Variants in PDLIM5 observed in about 807,000 individuals in gnomAD.
The protein encoded by PDLIM5 is PDZ and LIM domain 5, also known as PDZ and LIM domain protein 5.
PDLIM5 carries 34 observed loss-of-function variants against 64.2 expected under a neutral mutation model. That is an observed-to-expected ratio of 0.53 (90% CI 0.40 to 0.71). The LOEUF (loss-of-function observed/expected upper bound fraction) is 0.71, where lower values mean the gene tolerates loss of function less well. Ranked by LOEUF, PDLIM5 falls within the 30% of genes least tolerant of loss-of-function variation. The probability of loss-of-function intolerance (pLI) is 0.00; values close to 1 mark genes in which losing one functional copy is unlikely to be tolerated. For missense variants in PDLIM5, 683 were observed against 733.6 expected (o/e 0.93, Z 0.80); for synonymous variants, 253 against 269.1 (o/e 0.94, Z 0.59).
chr4:94,666,188 A>G lies in PDLIM5; in HGVS notation c.*2121A>G, dbSNP rs1440787673. ...TGTTATAGAGGAGGTTTTAGGCTAC[A>G]ATATTTGTTTAACCTCCCTAAGAAC... On this transcript the variant is annotated 3_prime_UTR_variant, in exon 13 of 13. Coordinates refer to ENST00000317968, the MANE Select transcript of PDLIM5 (RefSeq NM_006457.5). 1 of 569,212 alleles carries G rather than the reference A, an allele frequency of 1.8e-6. No homozygotes were observed. The highest frequency in any genetic ancestry group is 3.0e-6 in the Non-Finnish European group (1 of 336,302). 35.3% of individuals were successfully genotyped at this position (569,212 alleles called of 1,614,324 possible). A position where few individuals can be genotyped will look rare whatever the true frequency, so the allele number is the denominator to read the frequency against.
intron 8 of PDLIM5, among the ~76,000 whole-genome samples, chr4:94,629,481 C>T (rs1043909286): frequency 6.6e-6 from 1 of 152,100 alleles, no homozygotes; most frequent in Non-Finnish European, 1.5e-5. Context: ...TTACTTGTAT[C>T]TCTGACCAAA....
At chr4:94,559,809 A>G (rs1276990840) in intron 3 of PDLIM5, among the ~76,000 whole-genome samples, 1 of 152,218 alleles carries the variant, frequency 6.6e-6, no homozygotes, top group Non-Finnish European at 1.5e-5. Context: ...CCTTTGGGTT[A>G]TAACCATTGA....
At chr4:94,483,715 G>T (rs1264195705) in intron 2 of PDLIM5, among the ~76,000 whole-genome samples, 2 of 152,018 alleles carry the variant, frequency 1.3e-5, no homozygotes, top group Non-Finnish European at 2.9e-5. Flanking sequence ...TGTTTATTCC[G>T]TTCGTGATTA....
intron 2 of PDLIM5, among the ~76,000 whole-genome samples, chr4:94,518,366 T>C (rs1307383532): frequency 2.6e-5 from 4 of 152,322 alleles, no homozygotes; most frequent in South Asian, 4.1e-4. Context: ...TGTGGATAAG[T>C]TTTCCATTTA....
At chr4:94,524,228 G>A (rs1730123145) in intron 3 of PDLIM5, among the ~76,000 whole-genome samples, 1 of 151,850 alleles carries the variant, frequency 6.6e-6, no homozygotes. Context: ...AATTAGCCAG[G>A]CGTGGTGGCG....
intron 3 of PDLIM5, among the ~76,000 whole-genome samples, chr4:94,564,984 A>C (rs977387385): frequency 6.6e-6 from 1 of 151,818 alleles, no homozygotes; most frequent in Non-Finnish European, 1.5e-5. Context: ...CCATTGCCCC[A>C]CCTCCTACAA....
At chr4:94,532,940 T>G (rs1731020897) in intron 3 of PDLIM5, among the ~76,000 whole-genome samples, 1 of 152,032 alleles carries the variant, frequency 6.6e-6, no homozygotes, top group Non-Finnish European at 1.5e-5. Flanking sequence ...GAGGCAGAGG[T>G]TGCAGTGAGC....
chr4:94,557,381 C>T (rs1183177040), intron 3 of PDLIM5, among the ~76,000 whole-genome samples: 1 of 152,138 alleles, frequency 6.6e-6, no homozygotes, highest in African/African-American at 2.4e-5. Flanking sequence ...ATTGACTTGG[C>T]AATGTGGGCT....
chr4:94,657,631 T>A (rs1742312157), intron 11 of PDLIM5, 84 bp downstream of exon 11: 1 of 956,982 alleles, frequency 1.0e-6, no homozygotes, highest in African/African-American at 1.6e-5. Flanking sequence ...CTCAAGAAAA[T>A]ATTAGGCAAA....
chr4:94,611,507 G>C (rs1169782661), intron 7 of PDLIM5, among the ~76,000 whole-genome samples: 1 of 152,150 alleles, frequency 6.6e-6, no homozygotes, highest in African/African-American at 2.4e-5. Flanking sequence ...TCATTGCATG[G>C]ATATAGCTAT....
At chr4:94,615,213 A>G (rs1487313348) in intron 7 of PDLIM5, among the ~76,000 whole-genome samples, 1 of 152,162 alleles carries the variant, frequency 6.6e-6, no homozygotes, top group Non-Finnish European at 1.5e-5. Context: ...AAAGTCCCCA[A>G]CCTCAGGTAG....
chr4:94,573,649 A>G (rs907625407), intron 4 of PDLIM5: 19 of 476,920 alleles, frequency 4.0e-5, no homozygotes, highest in Admixed American at 7.0e-5. Context: ...TTACATTTCT[A>G]TTCACTTTTG....
In PDLIM5 at chr4:94,664,837, T is replaced by C; in HGVS notation, c.*770T>C. 2 of 606,830 alleles carry C rather than the reference T, an allele frequency of 3.3e-6. No individual in the cohort carries two copies. Among genetic ancestry groups the C allele is most frequent in the Non-Finnish European group, 4.1e-6 (2 of 484,034 alleles). 37.6% of individuals were successfully genotyped at this position (606,830 alleles called of 1,614,324 possible). A position where few individuals can be genotyped will look rare whatever the true frequency, so the allele number is the denominator to read the frequency against. ...GTGAGCCAAGATCGTACCACTGCAC[T>C]CCAGCCTGGGTGACAGAGTGAGACT... On this transcript the variant is annotated 3_prime_UTR_variant, in exon 13 of 13. Transcript: ENST00000317968.
intron 2 of PDLIM5, among the ~76,000 whole-genome samples, chr4:94,470,553 T>C (rs907647223): frequency 6.6e-6 from 1 of 152,218 alleles, no homozygotes; most frequent in Non-Finnish European, 1.5e-5. Context: ...ATATACCCAA[T>C]GCCAAGAGTT....
intron 2 of PDLIM5, among the ~76,000 whole-genome samples, chr4:94,511,496 T>C (rs769647102): frequency 3.9e-5 from 6 of 152,136 alleles, no homozygotes; most frequent in Non-Finnish European, 7.3e-5. Flanking sequence ...TTTTAAAATG[T>C]ACAATTAAGT....
intron 3 of PDLIM5, among the ~76,000 whole-genome samples, chr4:94,533,254 T>TTGTATTG: frequency 6.6e-6 from 1 of 152,324 alleles, no homozygotes; most frequent in South Asian, 2.1e-4. Context: ...AGGATGTATT[T>TTGTATTG]TGTATTGTGA....
chr4:94,567,093 C>T (rs1490149525), intron 3 of PDLIM5, among the ~76,000 whole-genome samples: 10 of 152,172 alleles, frequency 6.6e-5, no homozygotes, highest in East Asian at 1.9e-4. Flanking sequence ...TCCCGGTTCA[C>T]GCTGTTCTCC....
chr4:94,501,571 G>T (rs928537816), intron 2 of PDLIM5, among the ~76,000 whole-genome samples: 4 of 152,066 alleles, frequency 2.6e-5, no homozygotes, highest in Non-Finnish European at 4.4e-5. Flanking sequence ...TAAGAATTTG[G>T]GGCCTGTATT....
intron 9 of PDLIM5, among the ~76,000 whole-genome samples, chr4:94,643,283 C>T (rs1162657078): frequency 3.3e-5 from 5 of 152,058 alleles, no homozygotes; most frequent in East Asian, 3.9e-4. Context: ...TGACTAGCTA[C>T]GAATGAATAG....
Sources: gnomAD v4.1 joint callset for allele counts (sites outside exome capture counted in the v4.1 genomes callset) on GRCh38, gnomAD v4.1.1 for gene constraint, MANE v1.5 for transcripts, NCBI Gene and HGNC (gene_info 2026-07-23, HGNC 2026-07-21) for gene names.